UBE2E2: variants seen among roughly 807,000 people sequenced by gnomAD.
UBE2E2 encodes the protein ubiquitin-conjugating enzyme E2 E2.
In UBE2E2, 6 loss-of-function variants were observed where a neutral mutation model predicts 24.7. The observed-to-expected ratio is 0.24, with a 90% CI of 0.13 to 0.48. The LOEUF (loss-of-function observed/expected upper bound fraction) is 0.48, where lower values mean the gene tolerates loss of function less well. Among genes scored for constraint, UBE2E2 ranks in the 20% least tolerant of loss-of-function variants. The pLI is 0.99. For missense variants in UBE2E2, 169 were observed against 245.0 expected, an observed-to-expected ratio of 0.69 and a Z score of 2.07; for synonymous variants, 104 against 83.6, an observed-to-expected ratio of 1.24 and a Z score of -1.33.
At chr3:23,468,074 T>C (rs1010106766) in intron 3 of UBE2E2, among the ~76,000 whole-genome samples, 23 of 152,196 alleles carry the variant, frequency 1.5e-4, no homozygotes, top group African/African-American at 5.1e-4. Context: ...AACCAAACCA[T>C]ATCAGTAGCC....
intron 5 of UBE2E2, among the ~76,000 whole-genome samples, chr3:23,573,605 T>A (rs925288079): frequency 6.6e-6 from 1 of 152,200 alleles, no homozygotes; most frequent in Non-Finnish European, 1.5e-5. Context: ...AGAATAAATA[T>A]GAAATTTTAT....
At chr3:23,271,893 G>A (rs1309326344) in intron 3 of UBE2E2, among the ~76,000 whole-genome samples, 1 of 152,204 alleles carries the variant, frequency 6.6e-6, no homozygotes, top group Admixed American at 6.5e-5. Flanking sequence ...GTGCTGATTG[G>A]TGCATATACA....
At chr3:23,357,773 ACATACGGTGT>A (rs1696001581) in intron 3 of UBE2E2, among the ~76,000 whole-genome samples, 1 of 152,224 alleles carries the variant, frequency 6.6e-6, no homozygotes, top group Non-Finnish European at 1.5e-5. Flanking sequence ...TTATTTATAA[ACATACGGTGT>A]CTACATTTAG....
chr3:23,585,449 A>G (rs903158714), intron 5 of UBE2E2, among the ~76,000 whole-genome samples: 4 of 151,892 alleles, frequency 2.6e-5, no homozygotes, highest in African/African-American at 7.3e-5. Flanking sequence ...TTGTATACCT[A>G]ACTTCCATCT....
chr3:23,323,405 C>T, intron 3 of UBE2E2: 1 of 262,136 alleles, frequency 3.8e-6, no homozygotes, highest in South Asian at 3.5e-5. Context: ...TTAAGAAGAC[C>T]AATTTGGGTC....
chr3:23,576,674 C>T (rs1575719396), intron 5 of UBE2E2, among the ~76,000 whole-genome samples: 1 of 152,230 alleles, frequency 6.6e-6, no homozygotes, highest in East Asian at 1.9e-4. Flanking sequence ...ATCATCCATC[C>T]ATCCATGCAG....
chr3:23,528,433 A>G (rs1303429611), intron 4 of UBE2E2, among the ~76,000 whole-genome samples: 2 of 152,188 alleles, frequency 1.3e-5, no homozygotes, highest in South Asian at 2.1e-4. Context: ...AAGATGAGGC[A>G]GGGCGAGCTG....
At chr3:23,519,462 C>T (rs563589136) in intron 4 of UBE2E2, among the ~76,000 whole-genome samples, 2 of 152,198 alleles carry the variant, frequency 1.3e-5, no homozygotes, top group South Asian at 4.2e-4. Flanking sequence ...TTATGAGTAT[C>T]AGGTTAGTTA....
chr3:23,357,626 G>T (rs1389596006), intron 3 of UBE2E2, among the ~76,000 whole-genome samples: 1 of 151,982 alleles, frequency 6.6e-6, no homozygotes, highest in African/African-American at 2.4e-5. Flanking sequence ...AATTCTCTAT[G>T]GGAGCTCCAT....
At chr3:23,243,669 G>A (rs571080812) in intron 3 of UBE2E2, among the ~76,000 whole-genome samples, 50 of 151,694 alleles carry the variant, frequency 3.3e-4, no homozygotes, top group Non-Finnish European at 5.9e-4. Flanking sequence ...TTTCTCAAGC[G>A]TTGGTTAGAT....
At chr3:23,221,650 T>C (rs1696646724) in intron 3 of UBE2E2, among the ~76,000 whole-genome samples, 1 of 152,128 alleles carries the variant, frequency 6.6e-6, no homozygotes, top group African/African-American at 2.4e-5. Context: ...TCTTTTTTTT[T>C]TCTGAGACGG....
intron 3 of UBE2E2, among the ~76,000 whole-genome samples, chr3:23,359,352 A>T (rs1165759862): frequency 6.6e-6 from 1 of 152,204 alleles, no homozygotes. Flanking sequence ...CTAGGCCTTC[A>T]TAAGCAGTGA....
chr3:23,279,079 A>G (rs1182799527), intron 3 of UBE2E2, among the ~76,000 whole-genome samples: 1 of 152,192 alleles, frequency 6.6e-6, no homozygotes, highest in African/African-American at 2.4e-5. Context: ...TGGGTAGAAT[A>G]ATCTTACCAT....
chr3:23,349,632 T>TAGCA (rs1180221393), intron 3 of UBE2E2, among the ~76,000 whole-genome samples: 3 of 152,174 alleles, frequency 2.0e-5, no homozygotes, highest in Non-Finnish European at 4.4e-5. Flanking sequence ...CGCTGATTGC[T>TAGCA]AGCACAGCAG....
chr3:23,333,373 G>C (rs1387432768), intron 3 of UBE2E2, among the ~76,000 whole-genome samples: 1 of 152,156 alleles, frequency 6.6e-6, no homozygotes, highest in Non-Finnish European at 1.5e-5. Context: ...ACTAGCCTTG[G>C]TTATTTTTTT....
At chr3:23,247,915 A>T (rs1697457212) in intron 3 of UBE2E2, among the ~76,000 whole-genome samples, 2 of 152,172 alleles carry the variant, frequency 1.3e-5, no homozygotes. Flanking sequence ...AACTCTAAAG[A>T]CTGAGTTATA....
chr3:23,453,808 G>A (rs1220735688), intron 3 of UBE2E2, among the ~76,000 whole-genome samples: 1 of 152,098 alleles, frequency 6.6e-6, no homozygotes, highest in African/African-American at 2.4e-5. Flanking sequence ...TTGTACATTG[G>A]CCAAGGAAGC....
chr3:23,312,040 G>A (rs1694415698), intron 3 of UBE2E2, among the ~76,000 whole-genome samples: 1 of 152,138 alleles, frequency 6.6e-6, no homozygotes, highest in Admixed American at 6.5e-5. Context: ...CTTCATGATA[G>A]TGAGTGAGTT....
At chr3:23,491,210 A>G (rs1205952494) in intron 3 of UBE2E2, among the ~76,000 whole-genome samples, 3 of 152,216 alleles carry the variant, frequency 2.0e-5, no homozygotes, top group African/African-American at 7.2e-5. Flanking sequence ...TCAGGAGTCT[A>G]TGGAATACTA....
Sources: allele counts gnomAD v4.1 joint callset (sites outside exome capture counted in the v4.1 genomes callset), GRCh38; gene constraint gnomAD v4.1.1; transcripts MANE v1.5; gene names NCBI Gene and HGNC (gene_info 2026-07-23, HGNC 2026-07-21).